The following PRR4 variants were observed in gnomAD, a reference collection of about 807,000 sequenced individuals.
PRR4 encodes the protein proline-rich protein 4.
Under a neutral mutation model 7.6 loss-of-function variants are expected in PRR4, and 7 were observed. The observed-to-expected ratio is 0.92, with a 90% CI of 0.52 to 1.73. PRR4 has a LOEUF of 1.73. Ranked by LOEUF, PRR4 falls within the 40% of genes most tolerant of loss-of-function variation. The pLI is 0.00. For synonymous variants in PRR4, 64 were observed against 58.5 expected (o/e 1.09, Z -0.43); for missense variants, 187 against 161.0 (o/e 1.16, Z -0.87).
intron 1 of PRR4, 37 bp downstream of exon 1, chr12:10,849,337 C>T (rs1949065381): frequency 2.1e-6 from 3 of 1,416,486 alleles, no homozygotes; most frequent in Non-Finnish European, 2.9e-6. Flanking sequence ...CCTCATCCCA[C>T]TCCCCATCTC....
Position 10,847,291 on chromosome 12 carries a change from A to C in PRR4, c.177T>G (p.Pro59=). The change falls in exon 3 of 4, where the codon CCT becomes CCG. Residue 59 remains proline (P), a synonymous_variant. Coordinates refer to ENST00000228811, the MANE Select transcript of PRR4 (RefSeq NM_007244.3). ...CATCATCTTGGTTACCACTATCACC[A>C]GGGGGTCTAGGTAGGAGTCCTTCAG... The part of the protein sequence containing the change: ...PPPEGLLPRP[P]GDSGNQDDGP... 6.2e-7 allele frequency: 1 copy of C among 1,608,946 alleles called. No individual in the cohort carries two copies. Among genetic ancestry groups the C allele is most frequent in the Non-Finnish European group, 8.5e-7 (1 of 1,176,882 alleles).
chr12:10,846,790 A>T (rs1172804197), intron 3 of PRR4, among the ~76,000 whole-genome samples: 1 of 152,012 alleles, frequency 6.6e-6, no homozygotes, highest in Non-Finnish European at 1.5e-5. Flanking sequence ...CTCATTACCA[A>T]CTCATTTTAA....
rs1591624492 is a variant in PRR4 at position 10,845,915 on chromosome 12, T to A, written c.*54A>T. On this transcript the variant is annotated 3_prime_UTR_variant, in exon 4 of 4. Coordinates refer to ENST00000228811, the MANE Select transcript of PRR4 (RefSeq NM_007244.3). The stretch of plus-strand genomic sequence containing the variant: ...TTATGACCACATTATTTCAATGTCA[T>A]GGCTTTCTGAAGGAAGTTATCTTCT... 1 of 1,329,308 alleles carries A rather than the reference T, an allele frequency of 7.5e-7. No individual in the cohort carries two copies. The allele number at this position is 1,329,308 out of a possible 1,614,324, so 82.3% of individuals were successfully genotyped here. A position where few individuals can be genotyped will look rare whatever the true frequency, so the allele number is the denominator to read the frequency against.
chr12:10,846,307 A>G (rs1445875161), intron 3 of PRR4, among the ~76,000 whole-genome samples: 1 of 152,236 alleles, frequency 6.6e-6, no homozygotes, highest in Non-Finnish European at 1.5e-5. Context: ...CCGTGAAATG[A>G]TAAAGTTGTC....
In PRR4 at chr12:10,847,151, C is replaced by G; in HGVS notation, c.317G>C (p.Arg106Pro). ...TTCCTGCAGGCTGACAGAAGGAAAT[C>G]GGGGTAGAGAGAGTTGACGGTGTCC... is the stretch of plus-strand genomic sequence containing the variant. ...RRGHRQLSLPRFPSVSLQEAS... is the reference protein window; with the variant it reads ...RRGHRQLSLPPFPSVSLQEAS... The change falls in exon 3 of 4, where the codon CGA becomes CCA. Residue 106 changes from arginine (R) to proline (P), a missense_variant. Transcript: ENST00000228811. 3 of 1,613,260 alleles carry G rather than the reference C, an allele frequency of 1.9e-6. No individual in the cohort carries two copies. The highest frequency in any genetic ancestry group is 2.5e-6 in the Non-Finnish European group (3 of 1,179,554).
At chr12:10,848,267 C>A in intron 2 of PRR4, 105 bp downstream of exon 2, 3 of 1,161,180 alleles carry the variant, frequency 2.6e-6, no homozygotes, top group South Asian at 1.5e-5. Flanking sequence ...CCTCTTACCA[C>A]CTCCTCCCAA....
chr12:10,849,420 G>C lies in PRR4; in HGVS notation c.18C>G (p.Leu6=). 1 of 1,608,980 alleles carries C rather than the reference G, an allele frequency of 6.2e-7. No homozygotes were observed. Among genetic ancestry groups the C allele is most frequent in the Non-Finnish European group, 8.5e-7 (1 of 1,177,790 alleles). ...AGCTCAGAGCCAGAAGGACCACTGA[G>C]AGCAGGACCAGCAGCATCTTGAAGG... MLLVL[L]SVVLLALSSA... Residue 6 remains leucine (L), a synonymous_variant, in exon 1 of 4, where the codon CTC becomes CTG. Coordinates refer to ENST00000228811, the MANE Select transcript of PRR4 (RefSeq NM_007244.3).
intron 1 of PRR4, 137 bp downstream of exon 1, chr12:10,849,237 T>C: frequency 2.3e-6 from 1 of 430,628 alleles, no homozygotes; most frequent in Non-Finnish European, 4.2e-6. Context: ...TCCAAAGCCC[T>C]ACCCTTCTTC....
In PRR4 at chr12:10,845,957, C is replaced by CAA. The variant is rs71434160; in HGVS notation, c.*19-9_*19-8dup. ...TTATCTTCTTATTTATTTTCTGAAA[C>CAA]AAAAAAAAAAACCAAGGAAATTTAT... On this transcript the variant is annotated splice_region_variant and splice_polypyrimidine_tract_variant and intron_variant, in intron 3 of 3. Coordinates refer to ENST00000228811, the MANE Select transcript of PRR4 (RefSeq NM_007244.3). 6.1e-4 allele frequency: 629 copies of CAA among 1,033,962 alleles called. No individual in the cohort carries two copies. Among genetic ancestry groups the CAA allele is most frequent in the South Asian group, 1.9e-3 (79 of 41,324 alleles). The allele number at this position is 1,033,962 out of a possible 1,614,324, so 64.0% of individuals were successfully genotyped here.
chr12:10,847,080 C>T lies in PRR4; in HGVS notation c.388G>A (p.Glu130Lys). 2.5e-6 allele frequency: 4 copies of T among 1,595,838 alleles called. No homozygotes were observed. The highest frequency in any genetic ancestry group is 3.4e-5 in the Admixed American group (2 of 59,154). ...QRDRPARHPQEQPLW is the reference protein window; with the variant it reads ...QRDRPARHPQKQPLW ...ATTCTAGATTACCAGAGTGGTTGCT[C>T]CTGGGGATGTCTTGCTGGTCTGTCC... The change falls in exon 3 of 4, where the codon GAG becomes AAG. Residue 130 changes from glutamate (E) to lysine (K), a missense_variant. Glu to Lys is a moderately conservative substitution (Grantham distance 56). Coordinates refer to ENST00000228811, the MANE Select transcript of PRR4 (RefSeq NM_007244.3).
In PRR4 at chr12:10,847,203, G is replaced by C. The variant is rs771293327; in HGVS notation, c.265C>G (p.Gln89Glu). The C allele has an allele frequency of 4.3e-6, 7 of 1,613,688 alleles. No homozygotes were observed. The highest frequency in any genetic ancestry group is 5.9e-6 in the Non-Finnish European group (7 of 1,179,854). ...CGTCGGGGTGGTCGTTGCTGATTTT[G>C]AAAAGGAGGTGGGGGAGGATGGCGG... is the stretch of plus-strand genomic sequence containing the variant. The part of the protein sequence containing the change: ...HHRHPPPPPF[Q>E]NQQRPPRRGH... Residue 89 changes from glutamine (Q) to glutamate (E), a missense_variant, in exon 3 of 4, where the codon CAA (glutamine) becomes GAA (glutamate). Coordinates refer to ENST00000228811, the MANE Select transcript of PRR4 (RefSeq NM_007244.3).
At chr12:10,849,287 G>A (rs1949064149) in intron 1 of PRR4, 87 bp downstream of exon 1, 2 of 724,660 alleles carry the variant, frequency 2.8e-6, no homozygotes, top group South Asian at 2.0e-5. Context: ...CGCTGCAGTG[G>A]TGTAGGGTGA....
At position 10,848,370 on chromosome 12, in the gene PRR4, A is replaced by G; in HGVS notation, c.100+2T>C. ...ATTGGATTGAGGATCATTGGGATTT[A>G]CCTGGTATGGTGAAAGTAAAGTCTT... On this transcript the variant is annotated splice_donor_variant, in intron 2 of 3. Transcript: ENST00000228811. LOFTEE classifies it high-confidence loss of function. 6.2e-7 allele frequency: 1 copy of G among 1,607,842 alleles called. No individual in the cohort carries two copies. The highest frequency in any genetic ancestry group is 8.5e-7 in the Non-Finnish European group (1 of 1,174,558).
chr12:10,849,384 G>T lies in PRR4; in HGVS notation c.54C>A (p.Ser18Arg), dbSNP rs185779358. The change falls in exon 1 of 4, where the codon AGC (serine) becomes AGA (arginine). Residue 18 changes from serine (S) to arginine (R), a missense_variant. By Grantham distance (110) the Ser-to-Arg change is moderately radical. Transcript: ENST00000228811. Reference protein sequence around the residue: ...VVLLALSSAQSTDNDVNYEDF... With the variant: ...VVLLALSSAQRTDNDVNYEDF... ...AAATAATTTTTTTACCATTATCTGT[G>T]CTCTGAGCTGAGCTCAGAGCCAGAA... The T allele has an allele frequency of 1.9e-6, 3 of 1,597,934 alleles. No homozygotes were observed. Among genetic ancestry groups the T allele is most frequent in the Middle Eastern group, 1.7e-4 (1 of 5,864 alleles).
rs942936769 is a variant in PRR4, at chr12:10,848,570, G to C, written c.65-163C>G. On this transcript the variant is annotated intron_variant, in intron 1 of 3. Coordinates refer to ENST00000228811, the MANE Select transcript of PRR4 (RefSeq NM_007244.3). Reference sequence around the variant, plus strand: ...CTGCTGGAAGGGGAGGAAGATGTTAGGGGAGGCAGGATTGTTACTATCGCT... The same window carrying C: ...CTGCTGGAAGGGGAGGAAGATGTTACGGGAGGCAGGATTGTTACTATCGCT... The C allele has an allele frequency of 5.3e-6, 3 of 569,070 alleles. No individual in the cohort carries two copies. The African/African-American group carries it at 5.8e-5, about 11-fold the overall frequency. The allele number at this position is 569,070 out of a possible 1,614,324, so 35.3% of individuals were successfully genotyped here.
intron 3 of PRR4, among the ~76,000 whole-genome samples, chr12:10,846,585 A>G (rs780469190): frequency 1.2e-4 from 19 of 152,174 alleles, no homozygotes; most frequent in Admixed American, 1.2e-3. Flanking sequence ...TAAAAATTAA[A>G]TAAGATATAA....
At chr12:10,846,352 A>T (rs911942991) in intron 3 of PRR4, among the ~76,000 whole-genome samples, 2 of 152,206 alleles carry the variant, frequency 1.3e-5, no homozygotes, top group Non-Finnish European at 2.9e-5. Flanking sequence ...GCAAATACAG[A>T]TCTGCATATA....
Position 10,845,970 on chromosome 12 carries a change from C to G in PRR4, c.*19-20G>C. Reference sequence around the variant, plus strand: ...TATTTTCTGAAACAAAAAAAAAAACCAAGGAAATTTATACACAACATACAA... The same window carrying G: ...TATTTTCTGAAACAAAAAAAAAAACGAAGGAAATTTATACACAACATACAA... On this transcript the variant is annotated intron_variant, in intron 3 of 3. Transcript: ENST00000228811. 7.6e-7 allele frequency: 1 copy of G among 1,312,692 alleles called. No homozygotes were observed. Among genetic ancestry groups the G allele is most frequent in the South Asian group, 1.9e-5 (1 of 53,658 alleles). The allele number at this position is 1,312,692 out of a possible 1,614,324, so 81.3% of individuals were successfully genotyped here.
rs1239285479 is a variant in PRR4 at position 10,847,232 on chromosome 12, T to C, written c.236A>G (p.His79Arg). 1 of 1,613,758 alleles carries C rather than the reference T, an allele frequency of 6.2e-7. No homozygotes were observed. The highest frequency in any genetic ancestry group is 8.5e-7 in the Non-Finnish European group (1 of 1,179,840). ...AGGAGGTGGGGGAGGATGGCGGTGATGGCCTCCTGGTTTTGGTGGTCTCTG... is the reference window on the plus strand; with the variant it reads ...AGGAGGTGGGGGAGGATGGCGGTGACGGCCTCCTGGTTTTGGTGGTCTCTG... ...PQQRPPKPGG[H>R]HRHPPPPPFQ... Residue 79 changes from histidine (H) to arginine (R), a missense_variant, in exon 3 of 4, where the codon CAT becomes CGT. Transcript: ENST00000228811.
Sources: gnomAD v4.1 joint callset for allele counts (sites outside exome capture counted in the v4.1 genomes callset) on GRCh38, gnomAD v4.1.1 for gene constraint, MANE v1.5 for transcripts, NCBI Gene and HGNC (gene_info 2026-07-23, HGNC 2026-07-21) for gene names.